Variants in LRRK1 observed in about 807,000 individuals in gnomAD.
LRRK1 encodes the protein leucine-rich repeat serine/threonine-protein kinase 1.
In LRRK1, 113 loss-of-function variants were observed where a neutral mutation model predicts 209.1. The observed-to-expected ratio is 0.54, with a 90% CI of 0.46 to 0.63. The LOEUF (loss-of-function observed/expected upper bound fraction) is 0.63, where lower values mean the gene tolerates loss of function less well. LRRK1 is among the 30% of genes least tolerant of loss of function. LRRK1 has a pLI of 0.00. For synonymous variants in LRRK1, 1,144 were observed against 1,099.7 expected (o/e 1.04, Z -0.80); for missense variants, 2,284 against 2,632.2 (o/e 0.87, Z 2.89).
intron 2 of LRRK1, among the ~76,000 whole-genome samples, chr15:100,941,302 A>ATC (rs2042404609): frequency 6.4e-5 from 1 of 15,506 alleles, no homozygotes; most frequent in African/African-American, 3.1e-4. Flanking sequence ...GTGTGTGTCT[A>ATC]TGTGTGTGTG....
chr15:100,983,634 C>T lies in LRRK1; in HGVS notation c.368C>T (p.Pro123Leu). Residue 123 changes from proline (P) to leucine (L), a missense_variant, in exon 4 of 34, where the codon CCA (proline) becomes CTA (leucine). Coordinates refer to ENST00000388948, the MANE Select transcript of LRRK1 (RefSeq NM_024652.6). ...CCCACCGAGCCCACGGATGACAACC[C>T]AGCCGTGGTGGCAGCGTATTTTGGA... ...ELPTEPTDDN[P>L]AVVAAYFGHT... 6.2e-7 allele frequency: 1 copy of T among 1,608,022 alleles called. No individual in the cohort carries two copies. Among genetic ancestry groups the T allele is most frequent in the Non-Finnish European group, 8.5e-7 (1 of 1,175,434 alleles).
In LRRK1 at chr15:101,069,636, C is replaced by T. The variant is rs1031526220; in HGVS notation, c.*788C>T. On this transcript the variant is annotated 3_prime_UTR_variant, in exon 34 of 34. Transcript: ENST00000388948. ...TATAGCTTTGTCAAGTAAATTTGGA[C>T]GCAGCTGGAGCACAGGCCCTGTTTG... is the stretch of plus-strand genomic sequence containing the variant. 3 of 152,612 alleles carry T rather than the reference C, an allele frequency of 2.0e-5. No homozygotes were observed. Among genetic ancestry groups the T allele is most frequent in the Admixed American group, 6.5e-5 (1 of 15,274 alleles). The allele number at this position is 152,612 out of a possible 1,614,324, so 9.5% of individuals were successfully genotyped here.
chr15:100,919,816 A>G lies in LRRK1; in HGVS notation c.-123+365A>G, dbSNP rs2041987837. ...AGGCAAGAGACACGAGTCGGGAGAC[A>G]CGAGCCGGGGAGCCCATAGGTTTCC... On this transcript the variant is annotated intron_variant, in intron 1 of 33. Coordinates refer to ENST00000388948, the MANE Select transcript of LRRK1 (RefSeq NM_024652.6). This position sits in a 1 kb window ranked among gnomAD's most constrained non-coding sequence, Gnocchi z 5.8. Among the ~76,000 whole-genome samples, 2 of 152,024 alleles carry G rather than the reference A, an allele frequency of 1.3e-5. No homozygotes were observed. The highest frequency in any genetic ancestry group is 4.1e-4 in the South Asian group (2 of 4,830).
At chr15:100,994,857 G>A (rs1167562093) in intron 6 of LRRK1, among the ~76,000 whole-genome samples, 1 of 152,154 alleles carries the variant, frequency 6.6e-6, no homozygotes, top group African/African-American at 2.4e-5. Flanking sequence ...AGAGGGGTCC[G>A]GGCAGAGGGT....
chr15:100,972,363 AGT>A (rs139709615), intron 2 of LRRK1, among the ~76,000 whole-genome samples: 10,387 of 96,784 alleles, frequency 0.11, 316 homozygotes, highest in Middle Eastern at 0.12. Context: ...AGAGAGAGAG[AGT>A]GTGTGTGTGT....
At chr15:100,936,560 G>A (rs2042303423) in intron 2 of LRRK1, among the ~76,000 whole-genome samples, 1 of 152,240 alleles carries the variant, frequency 6.6e-6, no homozygotes, top group African/African-American at 2.4e-5. Flanking sequence ...GCTATGCCAG[G>A]GCATCTACTG....
intron 6 of LRRK1, among the ~76,000 whole-genome samples, chr15:101,001,846 G>C (rs1185560052): frequency 6.6e-6 from 1 of 152,174 alleles, no homozygotes; most frequent in African/African-American, 2.4e-5. Context: ...CAACTGACAG[G>C]AACAAGGAGC....
intron 3 of LRRK1, among the ~76,000 whole-genome samples, chr15:100,982,233 T>A (rs1363803307): frequency 1.3e-5 from 2 of 152,192 alleles, no homozygotes; most frequent in African/African-American, 4.8e-5. Context: ...CCCATTCCAA[T>A]AGGGGATCCC....
At chr15:100,965,361 A>G (rs1173521619) in intron 2 of LRRK1, among the ~76,000 whole-genome samples, 1 of 152,236 alleles carries the variant, frequency 6.6e-6, no homozygotes, top group Non-Finnish European at 1.5e-5. Context: ...GAAAGCAATT[A>G]TCAAGAACTA....
At position 101,054,114 on chromosome 15, in the gene LRRK1, A is replaced by C. The variant is rs141216952; in HGVS notation, c.4054+694A>C. On this transcript the variant is annotated intron_variant, in intron 26 of 33. Coordinates refer to ENST00000388948, the MANE Select transcript of LRRK1 (RefSeq NM_024652.6). ...CCACCGCAACTTCCCGAGTAGCTAC[A>C]AGCACACGCCACCACACCCAGCTAA... Among the ~76,000 whole-genome samples the C allele has an allele frequency of 7.7e-3, 1,177 of 152,244 alleles. 21 individuals are homozygous for C. Among genetic ancestry groups the C allele is most frequent in the African/African-American group, 0.027 (1,103 of 41,530 alleles).
chr15:101,037,562 G>T (rs2034541649), intron 20 of LRRK1, among the ~76,000 whole-genome samples: 1 of 152,204 alleles, frequency 6.6e-6, no homozygotes, highest in African/African-American at 2.4e-5. Flanking sequence ...TCAGGCTGGG[G>T]ACATCAGTGG....
At chr15:100,924,894 T>C (rs2042082663) in intron 2 of LRRK1, among the ~76,000 whole-genome samples, 165 bp downstream of exon 2, 1 of 152,212 alleles carries the variant, frequency 6.6e-6, no homozygotes, top group African/African-American at 2.4e-5. Context: ...TCTTAAATTC[T>C]AAAAATTGAG....
At chr15:101,062,873 T>C (rs1233074113) in intron 31 of LRRK1, among the ~76,000 whole-genome samples, 183 bp downstream of exon 31, 1 of 152,060 alleles carries the variant, frequency 6.6e-6, no homozygotes. Context: ...TGCCTTCCGG[T>C]TTGCAAAAAC....
In LRRK1 at chr15:101,076,673, C is replaced by G. The variant is rs1022024388; in HGVS notation, c.*7825C>G. On this transcript the variant is annotated 3_prime_UTR_variant, in exon 34 of 34. Transcript: ENST00000388948. Reference sequence around the variant, plus strand: ...AGGAAATAACTTCTCAGTGTTCCATCTGCTATTCTACTGCTCCTCAGGGAT... The same window carrying G: ...AGGAAATAACTTCTCAGTGTTCCATGTGCTATTCTACTGCTCCTCAGGGAT... 5 of 152,268 alleles carry G rather than the reference C, an allele frequency of 3.3e-5. No homozygotes were observed. Among genetic ancestry groups the G allele is most frequent in the African/African-American group, 1.2e-4 (5 of 41,422 alleles). The allele number at this position is 152,268 out of a possible 1,614,324, so 9.4% of individuals were successfully genotyped here.
At chr15:101,059,768 C>T (rs747848914) in intron 29 of LRRK1, among the ~76,000 whole-genome samples, 2 of 152,232 alleles carry the variant, frequency 1.3e-5, no homozygotes, top group Non-Finnish European at 2.9e-5. Flanking sequence ...CCAATATGCA[C>T]CCCTAGGACC....
intron 20 of LRRK1, among the ~76,000 whole-genome samples, chr15:101,044,901 G>T (rs957164678): frequency 2.6e-5 from 4 of 152,222 alleles, no homozygotes; most frequent in Non-Finnish European, 5.9e-5. Context: ...AAAGGAATAA[G>T]ACAGGACACT....
At chr15:100,974,088 A>G (rs1475202597) in intron 3 of LRRK1, 121 bp downstream of exon 3, 1 of 848,794 alleles carries the variant, frequency 1.2e-6, no homozygotes, top group Non-Finnish European at 1.6e-6. Flanking sequence ...TGTTCTGGAA[A>G]CGCCTCGCTT....
intron 29 of LRRK1, among the ~76,000 whole-genome samples, chr15:101,059,774 G>A (rs2036049227): frequency 6.6e-6 from 1 of 152,216 alleles, no homozygotes; most frequent in Non-Finnish European, 1.5e-5. Flanking sequence ...TGCACCCCTA[G>A]GACCCAGACT....
At position 101,046,053 on chromosome 15, in the gene LRRK1, C is replaced by T. The variant is rs200887175; in HGVS notation, c.3036C>T (p.Asn1012=). 63 of 1,614,222 alleles carry T rather than the reference C, an allele frequency of 3.9e-5. No individual in the cohort carries two copies. The East Asian group carries it at 1.4e-3, about 36-fold the overall frequency. The change falls in exon 21 of 34, where the codon AAC becomes AAT. Residue 1012 remains asparagine (N), a synonymous_variant. Transcript: ENST00000388948. ...DTHGMRHPTA[N]TIQRVFKMSF... ...ACGGTATGCGGCACCCCACAGCCAA[C>T]ACCATTCAGAGGGTATTTAAGATGA... is the stretch of plus-strand genomic sequence containing the variant.
Sources: allele counts gnomAD v4.1 joint callset (sites outside exome capture counted in the v4.1 genomes callset), GRCh38; gene constraint gnomAD v4.1.1; non-coding constraint Gnocchi (gnomAD v3.1); transcripts MANE v1.5; gene names NCBI Gene and HGNC (gene_info 2026-07-23, HGNC 2026-07-21).